Variants in PTPN22 observed in about 807,000 individuals in gnomAD.
The protein encoded by PTPN22 is protein tyrosine phosphatase non-receptor type 22, also known as tyrosine-protein phosphatase non-receptor type 22.
Under a neutral mutation model 103.3 loss-of-function variants are expected in PTPN22, and 85 were observed. The ratio of observed to expected loss-of-function variants is 0.82; its 90% CI spans 0.69 to 0.99. The LOEUF (loss-of-function observed/expected upper bound fraction) is 0.99. Ranked by LOEUF, PTPN22 falls within the 50% of genes least tolerant of loss-of-function variation. The probability of loss-of-function intolerance (pLI) is 0.00; values close to 1 mark genes in which losing one functional copy is unlikely to be tolerated. For synonymous variants in PTPN22, 323 were observed against 310.2 expected, an observed-to-expected ratio of 1.04 and a Z score of -0.43; for missense variants, 865 against 936.9, an observed-to-expected ratio of 0.92 and a Z score of 1.00.
intron 11 of PTPN22, among the ~76,000 whole-genome samples, chr1:113,843,704 A>C (rs1487016547): frequency 6.6e-6 from 1 of 152,246 alleles, no homozygotes; most frequent in Non-Finnish European, 1.5e-5. Context: ...ACCACAATAA[A>C]AATATTAATT....
intron 18 of PTPN22, among the ~76,000 whole-genome samples, chr1:113,829,335 A>G (rs1186667452): frequency 4.6e-5 from 7 of 151,970 alleles, no homozygotes; most frequent in South Asian, 2.1e-4. Flanking sequence ...TTTGCTGTAC[A>G]GATAATTTTG....
chr1:113,861,163 T>A (rs1238306602), intron 1 of PTPN22, among the ~76,000 whole-genome samples: 1 of 152,198 alleles, frequency 6.6e-6, no homozygotes, highest in Non-Finnish European at 1.5e-5. Flanking sequence ...AAGATTTGAT[T>A]TTTTTCCCTC....
intron 1 of PTPN22, among the ~76,000 whole-genome samples, chr1:113,863,920 TATATATA>T (rs1558057567): frequency 9.8e-6 from 1 of 102,460 alleles, no homozygotes; most frequent in Non-Finnish European, 1.9e-5. Context: ...TATATATATA[TATATATA>T]TTTTTTTTTG....
At position 113,825,570 on chromosome 1, in the gene PTPN22, C is replaced by T. The variant is rs537842929; in HGVS notation, c.2251-398G>A. Among the ~76,000 whole-genome samples the T allele has an allele frequency of 3.9e-5, 6 of 152,272 alleles. No homozygotes were observed. The South Asian group carries it at 1.0e-3, about 26-fold the overall frequency. ...AAAAAATATTAGCTGAATGTGGTAGCAGCTACTAGGGAGGCTGAGGCGGGA... is the reference window on the plus strand; with the variant it reads ...AAAAAATATTAGCTGAATGTGGTAGTAGCTACTAGGGAGGCTGAGGCGGGA... On this transcript the variant is annotated intron_variant, in intron 18 of 20. Coordinates refer to ENST00000359785, the Ensembl canonical transcript of PTPN22.
chr1:113,825,542 T>TA (rs1022603896), intron 18 of PTPN22, among the ~76,000 whole-genome samples: 11 of 151,584 alleles, frequency 7.3e-5, no homozygotes, highest in South Asian at 2.1e-4. Context: ...CTACAAAAAG[T>TA]AAAAAAAATA....
At chr1:113,851,450 G>A (rs1323313610) in intron 10 of PTPN22, among the ~76,000 whole-genome samples, 7 of 152,226 alleles carry the variant, frequency 4.6e-5, no homozygotes, top group African/African-American at 1.2e-4. Flanking sequence ...CACCGCGCCC[G>A]GCCCAATTAT....
At chr1:113,838,697 A>G (rs938517988) in intron 11 of PTPN22, 77 bp from the exon 12 acceptor site, 7 of 1,523,230 alleles carry the variant, frequency 4.6e-6, no homozygotes, top group Admixed American at 4.5e-5. Context: ...AGAAGGCTGA[A>G]AAGTAATTTT....
At chr1:113,854,350 T>C (rs748618100) in intron 9 of PTPN22, 121 bp downstream of exon 9, 4 of 969,616 alleles carry the variant, frequency 4.1e-6, no homozygotes. Context: ...AGAGTGGGTC[T>C]ACAAGTACAT....
chr1:113,856,463 A>C lies in PTPN22; in HGVS notation c.481-22T>G, dbSNP rs188276856. The C allele has an allele frequency of 6.9e-4, 1,106 of 1,611,480 alleles. 12 individuals are homozygous for C. Among genetic ancestry groups the C allele is most frequent in the Non-Finnish European group, 4.1e-5 (48 of 1,178,886 alleles). The stretch of plus-strand genomic sequence containing the variant: ...CTTCCTAAAAAGAAAAAGAAGACTC[A>C]AGTATTAGTGATTGCAAAGACAAGC... On this transcript the variant is annotated intron_variant, in intron 6 of 20. Coordinates refer to ENST00000359785, the Ensembl canonical transcript of PTPN22.
chr1:113,858,501 T>A, exon 4 of PTPN22: 1 of 1,600,966 alleles, frequency 6.2e-7, no homozygotes, highest in Admixed American at 1.7e-5. Context: ...TCCCAAATCA[T>A]CCTCCAGAAG....
exon 13 of PTPN22, chr1:113,838,182 C>T (rs766176775): frequency 2.5e-6 from 4 of 1,613,946 alleles, no homozygotes; most frequent in East Asian, 4.5e-5. Context: ...GAAGAGGCTC[C>T]CCAACTATTG....
intron 9 of PTPN22, 57 bp downstream of exon 9, chr1:113,854,414 C>G: frequency 6.8e-7 from 1 of 1,467,868 alleles, no homozygotes; most frequent in African/African-American, 1.4e-5. Context: ...CAAACAATTA[C>G]TAAGTATGAA....
chr1:113,863,451 A>T (rs564673771), intron 1 of PTPN22, among the ~76,000 whole-genome samples: 1 of 152,348 alleles, frequency 6.6e-6, no homozygotes, highest in East Asian at 1.9e-4. Flanking sequence ...GATGGTCCCT[A>T]GTGAGAGGCT....
At chr1:113,859,154 A>C (rs1665350751) in intron 2 of PTPN22, 76 bp from the exon 3 acceptor site, 16 of 1,587,546 alleles carry the variant, frequency 1.0e-5, no homozygotes, top group Non-Finnish European at 1.4e-5. Flanking sequence ...TAACACTGTG[A>C]ATAGTGTATG....
chr1:113,817,519 C>T (rs1361163231), intron 20 of PTPN22, among the ~76,000 whole-genome samples: 3 of 152,182 alleles, frequency 2.0e-5, no homozygotes, highest in South Asian at 4.1e-4. Context: ...CTCACTGCAG[C>T]CTCAACCTCC....
intron 19 of PTPN22, among the ~76,000 whole-genome samples, chr1:113,823,931 G>T (rs1354724094): frequency 6.6e-6 from 1 of 152,092 alleles, no homozygotes; most frequent in Non-Finnish European, 1.5e-5. Flanking sequence ...GGAGCTTTTG[G>T]GTAGGGAGAT....
At chr1:113,845,078 C>T (rs371695641) in intron 11 of PTPN22, among the ~76,000 whole-genome samples, 1 of 152,180 alleles carries the variant, frequency 6.6e-6, no homozygotes, top group African/African-American at 2.4e-5. Flanking sequence ...CTTGGCCTCT[C>T]AAAGTGCTAG....
At chr1:113,855,219 G>C (rs1471069112) in intron 7 of PTPN22, among the ~76,000 whole-genome samples, 170 bp from the exon 8 acceptor site, 1 of 152,140 alleles carries the variant, frequency 6.6e-6, no homozygotes, top group Non-Finnish European at 1.5e-5. Context: ...TTGAGGCTGG[G>C]TGTGGTGGCT....
chr1:113,856,560 G>C (rs1665093884), exon 6 of PTPN22: 1 of 1,614,068 alleles, frequency 6.2e-7, no homozygotes, highest in African/African-American at 1.3e-5. Context: ...AGGATACAGA[G>C]AAAGGGCCAA....
Sources: gnomAD v4.1 joint callset for allele counts (sites outside exome capture counted in the v4.1 genomes callset) on GRCh38, gnomAD v4.1.1 for gene constraint, MANE v1.5 for transcripts, NCBI Gene and HGNC (gene_info 2026-07-23, HGNC 2026-07-21) for gene names.